TNFRSF11B: variants seen among roughly 807,000 people sequenced by gnomAD.
TNFRSF11B encodes the protein tumor necrosis factor receptor superfamily member 11B.
A neutral mutation model predicts 43.4 loss-of-function variants in TNFRSF11B; 16 were observed. The ratio of observed to expected loss-of-function variants is 0.37; its 90% CI spans 0.25 to 0.56. The LOEUF (loss-of-function observed/expected upper bound fraction) is 0.56, where lower values mean the gene tolerates loss of function less well. TNFRSF11B is among the 20% of genes least tolerant of loss of function. The pLI is 0.80. For missense variants in TNFRSF11B, 444 were observed against 490.1 expected (o/e 0.91, Z 0.89); for synonymous variants, 185 against 181.8 (o/e 1.02, Z -0.14).
At chr8:118,935,899 G>C (rs2129902644) in intron 1 of TNFRSF11B, among the ~76,000 whole-genome samples, 1 of 152,124 alleles carries the variant, frequency 6.6e-6, no homozygotes, top group East Asian at 1.9e-4. Flanking sequence ...ACTTCCCACT[G>C]GTCTCCCTTT....
intron 1 of TNFRSF11B, among the ~76,000 whole-genome samples, chr8:118,945,013 A>G (rs1812536858): frequency 6.6e-6 from 1 of 151,620 alleles, no homozygotes; most frequent in African/African-American, 2.4e-5. Flanking sequence ...GAATGAGAAA[A>G]TCTTTTTTGG....
Position 118,926,710 on chromosome 8 carries a change from G to A in TNFRSF11B, c.601C>T (p.Leu201=). The A allele has an allele frequency of 6.2e-7, 1 of 1,613,472 alleles. No individual in the cohort carries two copies. The highest frequency in any genetic ancestry group is 8.5e-7 in the Non-Finnish European group (1 of 1,179,700). ...AACCTGAAGAATGCCTCCTCACACA[G>A]GGTAACATCTAAAGAAAGGTTAGAA... ...STQKCGIDVT[L]CEEAFFRFAV... The change falls in exon 4 of 5, where the codon CTG becomes TTG. Residue 201 remains leucine, a synonymous_variant. Transcript: ENST00000297350.
chr8:118,927,093 A>G (rs1812255407), intron 3 of TNFRSF11B, among the ~76,000 whole-genome samples: 1 of 152,222 alleles, frequency 6.6e-6, no homozygotes, highest in African/African-American at 2.4e-5. Flanking sequence ...CAAAACAAAT[A>G]ATTATCACTG....
intron 1 of TNFRSF11B, among the ~76,000 whole-genome samples, chr8:118,939,691 A>G (rs78728162): frequency 6.6e-6 from 1 of 152,230 alleles, no homozygotes; most frequent in African/African-American, 2.4e-5. Context: ...TCTGCCTTCT[A>G]TATGAGACTC....
chr8:118,938,458 C>T (rs1485287), intron 1 of TNFRSF11B, among the ~76,000 whole-genome samples: 38,287 of 152,172 alleles, frequency 0.25, 5,350 homozygotes, highest in African/African-American at 0.38. Flanking sequence ...TGTTTCACAT[C>T]ATAGTAATTA....
chr8:118,924,270 G>T lies in TNFRSF11B; in HGVS notation c.*104C>A. The T allele has an allele frequency of 1.5e-6, 2 of 1,377,558 alleles. No homozygotes were observed. The highest frequency in any genetic ancestry group is 2.1e-6 in the Non-Finnish European group (2 of 975,472). The allele number at this position is 1,377,558 out of a possible 1,614,324, so 85.3% of individuals were successfully genotyped here. A position where few individuals can be genotyped will look rare whatever the true frequency, so the allele number is the denominator to read the frequency against. ...TACCCTGTGGCAAAATTAGTCACTG[G>T]TAATGAGAAAGATATCACTGAAAGC... On this transcript the variant is annotated 3_prime_UTR_variant, in exon 5 of 5. Coordinates refer to ENST00000297350, the MANE Select transcript of TNFRSF11B (RefSeq NM_002546.4).
chr8:118,938,842 T>G (rs1812439696), intron 1 of TNFRSF11B, among the ~76,000 whole-genome samples: 1 of 152,248 alleles, frequency 6.6e-6, no homozygotes, highest in Non-Finnish European at 1.5e-5. Flanking sequence ...GCAAGTTTAT[T>G]TTTGCATTAT....
intron 1 of TNFRSF11B, among the ~76,000 whole-genome samples, chr8:118,938,098 G>C (rs1056820279): frequency 6.6e-6 from 1 of 151,988 alleles, no homozygotes; most frequent in African/African-American, 2.4e-5. Context: ...AATGGTATAT[G>C]CAAGAAGAAA....
chr8:118,941,111 C>T (rs917233386), intron 1 of TNFRSF11B, among the ~76,000 whole-genome samples: 2 of 152,124 alleles, frequency 1.3e-5, no homozygotes, highest in East Asian at 1.9e-4. Flanking sequence ...TAGTGATGAC[C>T]GAATTTGCCT....
chr8:118,934,607 AG>A (rs1338114166), intron 1 of TNFRSF11B, among the ~76,000 whole-genome samples: 6 of 152,198 alleles, frequency 3.9e-5, no homozygotes, highest in Admixed American at 3.3e-4. Context: ...AAGGTCTTCC[AG>A]GGAGCACTGA....
intron 2 of TNFRSF11B, 101 bp downstream of exon 2, chr8:118,932,830 G>C: frequency 5.3e-6 from 8 of 1,501,182 alleles, no homozygotes; most frequent in Non-Finnish European, 7.3e-6. Flanking sequence ...TTTGCAATTT[G>C]CTATCCTATA....
rs200071478 is a variant in TNFRSF11B, at chr8:118,933,105, T to C, written c.226A>G (p.Thr76Ala). The change falls in exon 2 of 5, where the codon ACC becomes GCC. Residue 76 changes from threonine (T) to alanine (A), a missense_variant. Transcript: ENST00000297350. Reference protein sequence around the residue: ...PDHYYTDSWHTSDECLYCSPV... With the variant: ...PDHYYTDSWHASDECLYCSPV... Reference sequence around the variant, plus strand: ...CTGCAGTATAGACACTCGTCACTGGTGTGCCAGCTGTCTGTGTAGTAGTGG... The same window carrying C: ...CTGCAGTATAGACACTCGTCACTGGCGTGCCAGCTGTCTGTGTAGTAGTGG... 1 of 1,614,182 alleles carries C rather than the reference T, an allele frequency of 6.2e-7. No homozygotes were observed. The highest frequency in any genetic ancestry group is 8.5e-7 in the Non-Finnish European group (1 of 1,180,042).
intron 1 of TNFRSF11B, among the ~76,000 whole-genome samples, chr8:118,935,904 C>T (rs998932191): frequency 1.3e-5 from 2 of 152,152 alleles, no homozygotes; most frequent in African/African-American, 4.8e-5. Context: ...CCACTGGTCT[C>T]CCTTTCCCAT....
intron 1 of TNFRSF11B, among the ~76,000 whole-genome samples, chr8:118,943,513 AATAG>A (rs1812517176): frequency 6.6e-6 from 1 of 152,096 alleles, no homozygotes; most frequent in African/African-American, 2.4e-5. Flanking sequence ...GGACTCAGCT[AATAG>A]ATATATACTA....
chr8:118,929,970 C>G (rs1355753063), intron 2 of TNFRSF11B, among the ~76,000 whole-genome samples: 1 of 151,958 alleles, frequency 6.6e-6, no homozygotes, highest in East Asian at 1.9e-4. Context: ...TTACCAAAAC[C>G]AGAAAATAAA....
At chr8:118,933,337 C>A in intron 1 of TNFRSF11B, 37 bp from the exon 2 acceptor site, 1 of 1,609,530 alleles carries the variant, frequency 6.2e-7, no homozygotes, top group Non-Finnish European at 8.5e-7. Context: ...ATCATCTTAG[C>A]ATGAAAATAG....
chr8:118,933,209 C>T lies in TNFRSF11B; in HGVS notation c.122G>A (p.Cys41Tyr). 6.2e-7 allele frequency: 1 copy of T among 1,614,170 alleles called. No individual in the cohort carries two copies. ...YDEETSHQLL[C>Y]DKCPPGTYLK... ...GTAGGTACCAGGAGGACATTTGTCA[C>T]ACAACAGCTGATGAGAGGTTTCTTC... Residue 41 changes from cysteine to tyrosine, a missense_variant, in exon 2 of 5, where the codon TGT (cysteine) becomes TAT (tyrosine). Transcript: ENST00000297350.
chr8:118,947,669 T>TAA (rs1812586131), intron 1 of TNFRSF11B, among the ~76,000 whole-genome samples: 2 of 152,234 alleles, frequency 1.3e-5, no homozygotes, highest in Non-Finnish European at 2.9e-5. Flanking sequence ...AAGTGCTTTT[T>TAA]GCATAATTGT....
At chr8:118,950,714 A>G (rs760576675) in intron 1 of TNFRSF11B, among the ~76,000 whole-genome samples, 29 of 152,204 alleles carry the variant, frequency 1.9e-4, no homozygotes, top group Non-Finnish European at 3.4e-4. Flanking sequence ...ACATACATAT[A>G]TATTTTAACA....
Sources: allele counts gnomAD v4.1 joint callset (sites outside exome capture counted in the v4.1 genomes callset), GRCh38; gene constraint gnomAD v4.1.1; transcripts MANE v1.5; gene names NCBI Gene and HGNC (gene_info 2026-07-23, HGNC 2026-07-21).